INTS8: variants seen among roughly 807,000 people sequenced by gnomAD.
INTS8 encodes the protein integrator complex subunit 8.
INTS8 carries 47 observed loss-of-function variants against 138.9 expected under a neutral mutation model. The ratio of observed to expected loss-of-function variants is 0.34; its 90% CI spans 0.27 to 0.43. The LOEUF (loss-of-function observed/expected upper bound fraction) is 0.43, where lower values mean the gene tolerates loss of function less well. Among genes scored for constraint, INTS8 ranks in the 20% least tolerant of loss-of-function variants. The pLI, the probability that INTS8 is intolerant of heterozygous loss-of-function variation, is 1.00. For synonymous variants in INTS8, 392 were observed against 400.9 expected, an observed-to-expected ratio of 0.98 and a Z score of 0.27; for missense variants, 996 against 1,173.0, an observed-to-expected ratio of 0.85 and a Z score of 2.20.
At chr8:94,837,373 A>G (rs1196357516) in intron 7 of INTS8, among the ~76,000 whole-genome samples, 1 of 152,164 alleles carries the variant, frequency 6.6e-6, no homozygotes, top group African/African-American at 2.4e-5. Context: ...GTGCCTGGAA[A>G]AATTCCCACT....
intron 16 of INTS8, among the ~76,000 whole-genome samples, chr8:94,861,395 G>C (rs1815974937): frequency 1.3e-5 from 2 of 150,158 alleles, no homozygotes; most frequent in Non-Finnish European, 1.5e-5. Flanking sequence ...CCGAGTAGCT[G>C]GGACTACAGG....
chr8:94,859,916 T>G (rs1456525938), intron 16 of INTS8: 1 of 303,882 alleles, frequency 3.3e-6, no homozygotes, highest in African/African-American at 2.1e-5. Context: ...TCGCTTTCTT[T>G]GCTTTGGTTG....
chr8:94,832,095 T>C lies in INTS8; in HGVS notation c.674T>C (p.Met225Thr). The C allele has an allele frequency of 6.2e-7, 1 of 1,613,804 alleles. No homozygotes were observed. Among genetic ancestry groups the C allele is most frequent in the Non-Finnish European group, 8.5e-7 (1 of 1,179,808 alleles). The change falls in exon 6 of 27, where the codon ATG becomes ACG. Residue 225 changes from methionine to threonine, a missense_variant. Coordinates refer to ENST00000523731, the MANE Select transcript of INTS8 (RefSeq NM_017864.4). ...HTMRTLDLLA[M>T]EPGMVNGETE... ...ATGAGAACTCTAGATTTATTGGCCATGGAACCAGGCATGGTAAATGGAGAA... is the reference window on the plus strand; with the variant it reads ...ATGAGAACTCTAGATTTATTGGCCACGGAACCAGGCATGGTAAATGGAGAA...
chr8:94,854,327 G>A (rs1255349743), intron 14 of INTS8, among the ~76,000 whole-genome samples: 1 of 151,976 alleles, frequency 6.6e-6, no homozygotes, highest in Non-Finnish European at 1.5e-5. Flanking sequence ...AGGCCTAAAA[G>A]GATATTTAAA....
chr8:94,844,681 C>CTA (rs1281010896), intron 10 of INTS8, among the ~76,000 whole-genome samples: 2 of 150,826 alleles, frequency 1.3e-5, no homozygotes, highest in African/African-American at 4.9e-5. Flanking sequence ...TGTAGGAGAT[C>CTA]TATATATATT....
At chr8:94,852,987 T>G (rs1815606993) in intron 13 of INTS8, among the ~76,000 whole-genome samples, 1 of 152,166 alleles carries the variant, frequency 6.6e-6, no homozygotes, top group Non-Finnish European at 1.5e-5. Flanking sequence ...GGGCTTTTTT[T>G]TAGCATTGAT....
chr8:94,829,462 G>T (rs1475488370), intron 5 of INTS8, among the ~76,000 whole-genome samples: 1 of 152,104 alleles, frequency 6.6e-6, no homozygotes, highest in Non-Finnish European at 1.5e-5. Context: ...GATCTGACAG[G>T]AGGTGGAGCT....
At chr8:94,849,670 A>C (rs1227608596) in intron 11 of INTS8, 138 bp downstream of exon 11, 5 of 627,578 alleles carry the variant, frequency 8.0e-6, no homozygotes, top group Non-Finnish European at 1.4e-5. Context: ...GAACCCATTA[A>C]GTTCAAATTT....
intron 6 of INTS8, among the ~76,000 whole-genome samples, chr8:94,832,677 C>T (rs903564121): frequency 2.6e-5 from 4 of 151,026 alleles, no homozygotes; most frequent in Admixed American, 6.6e-5. Context: ...TTTTTTGAGA[C>T]GGAGTCTTGC....
In INTS8 at chr8:94,824,998, G is replaced by A. The variant is rs1814438667; in HGVS notation, c.236G>A (p.Arg79His). 6.2e-7 allele frequency: 1 copy of A among 1,611,896 alleles called. No individual in the cohort carries two copies. Among genetic ancestry groups the A allele is most frequent in the Non-Finnish European group, 8.5e-7 (1 of 1,178,306 alleles). ...CCTCCGCCTGATAACAAGAGAAATC[G>A]TATTTTAAAACTACTTGCTCTTAAA... ...VQPPPDNKRN[R>H]ILKLLALKVA... is the part of the protein sequence containing the mutation. Residue 79 changes from arginine to histidine, a missense_variant, in exon 2 of 27, where the codon CGT becomes CAT. Arg to His is a conservative substitution (Grantham distance 29). Transcript: ENST00000523731.
chr8:94,859,702 C>T (rs1815882601), intron 16 of INTS8, 70 bp downstream of exon 16: 2 of 1,225,392 alleles, frequency 1.6e-6, no homozygotes, highest in Middle Eastern at 2.8e-4. Flanking sequence ...CTTTATACTA[C>T]TTTGGGAACT....
intron 26 of INTS8, among the ~76,000 whole-genome samples, chr8:94,877,590 T>C (rs1399104565): frequency 6.6e-6 from 1 of 152,208 alleles, no homozygotes; most frequent in Non-Finnish European, 1.5e-5. Context: ...TACTAGCTCC[T>C]GTAAGTATCT....
At chr8:94,865,473 T>G in intron 16 of INTS8, 33 bp from the exon 17 acceptor site, 1 of 1,575,784 alleles carries the variant, frequency 6.3e-7, no homozygotes, top group Non-Finnish European at 8.7e-7. Flanking sequence ...CATTACAGAT[T>G]ATCTTTTGTG....
rs1256236746 is a variant in INTS8 at position 94,856,898 on chromosome 8, C to G, written c.1874C>G (p.Ala625Gly). 9.3e-6 allele frequency: 15 copies of G among 1,614,080 alleles called. 1 individual carries two copies. In the South Asian group the frequency reaches 1.4e-4, roughly 15 times the overall value. The change falls in exon 15 of 27, where the codon GCT becomes GGT. Residue 625 changes from alanine (A) to glycine (G), a missense_variant. By Grantham distance (60) the Ala-to-Gly change is moderately conservative. Coordinates refer to ENST00000523731, the MANE Select transcript of INTS8 (RefSeq NM_017864.4). Reference protein sequence around the residue: ...MLLLDIHTHEAGTGQAGERPP... With the variant: ...MLLLDIHTHEGGTGQAGERPP... ...CTTTTGGATATTCATACACACGAAG[C>G]TGGGACAGGGCAGGCAGGAGAGAGA...
intron 26 of INTS8, among the ~76,000 whole-genome samples, chr8:94,877,413 T>G (rs920756812): frequency 1.3e-5 from 2 of 152,240 alleles, no homozygotes; most frequent in African/African-American, 4.8e-5. Context: ...GGAAAAAGAA[T>G]GTGAAGGCCA....
At chr8:94,832,904 T>C (rs1352731528) in intron 6 of INTS8, among the ~76,000 whole-genome samples, 1 of 152,194 alleles carries the variant, frequency 6.6e-6, no homozygotes, top group African/African-American at 2.4e-5. Flanking sequence ...TCCGCCCGCC[T>C]CGGTCTCCCA....
At chr8:94,865,266 A>G (rs969651570) in intron 16 of INTS8, among the ~76,000 whole-genome samples, 10 of 152,068 alleles carry the variant, frequency 6.6e-5, no homozygotes, top group African/African-American at 9.7e-5. Flanking sequence ...TCATTAGACT[A>G]TAACTGTTCA....
rs1052834078 is a variant in INTS8 at position 94,874,706 on chromosome 8, A to G, written c.2688+104A>G. 8.9e-6 allele frequency: 6 copies of G among 672,366 alleles called. No homozygotes were observed. In the Admixed American group the frequency reaches 1.4e-4, roughly 16 times the overall value. The allele number at this position is 672,366 out of a possible 1,614,324, so 41.7% of individuals were successfully genotyped here. A position where few individuals can be genotyped will look rare whatever the true frequency, so the allele number is the denominator to read the frequency against. The stretch of plus-strand genomic sequence containing the variant: ...AATTAGCTTTTATTTTCCATATCAA[A>G]ATCACTTAGGGTATGTAAGAGTTTG... On this transcript the variant is annotated intron_variant, in intron 23 of 26. Transcript: ENST00000523731.
At position 94,851,572 on chromosome 8, in the gene INTS8, T is replaced by C; in HGVS notation, c.1527T>C (p.Ile509=). The C allele has an allele frequency of 6.3e-7, 1 of 1,584,442 alleles. No individual in the cohort carries two copies. Among genetic ancestry groups the C allele is most frequent in the Non-Finnish European group, 8.6e-7 (1 of 1,169,532 alleles). The change falls in exon 13 of 27, where the codon ATT becomes ATC. Residue 509 remains isoleucine, a synonymous_variant. Coordinates refer to ENST00000523731, the MANE Select transcript of INTS8 (RefSeq NM_017864.4). ...TTTTAGCTTCAGCAAGTGTCAACAT[T>C]GGTCAGTTAGAGCATCAACTTATAT... ...YDIPASASVN[I]GQLEHQLILS... is the part of the protein sequence containing the mutation.
Sources: allele counts gnomAD v4.1 joint callset (sites outside exome capture counted in the v4.1 genomes callset), GRCh38; gene constraint gnomAD v4.1.1; transcripts MANE v1.5; gene names NCBI Gene and HGNC (gene_info 2026-07-23, HGNC 2026-07-21).